The following SRSF4 variants were observed in gnomAD, a reference collection of about 807,000 sequenced individuals.
SRSF4 encodes the protein serine and arginine rich splicing factor 4.
Under a neutral mutation model 48.8 loss-of-function variants are expected in SRSF4, and 12 were observed. That is an observed-to-expected ratio of 0.25 (90% CI 0.16 to 0.40). SRSF4 has a LOEUF of 0.40. Ranked by LOEUF, SRSF4 falls within the 10% of genes least tolerant of loss-of-function variation. SRSF4 has a pLI of 1.00. For synonymous variants in SRSF4, 248 were observed against 232.5 expected, an observed-to-expected ratio of 1.07 and a Z score of -0.61; for missense variants, 466 against 667.1, an observed-to-expected ratio of 0.70 and a Z score of 3.32.
intron 3 of SRSF4, among the ~76,000 whole-genome samples, chr1:29,156,171 T>C (rs1014339850): frequency 6.6e-6 from 1 of 152,016 alleles, no homozygotes; most frequent in African/African-American, 2.4e-5. Flanking sequence ...CCTGGCAACT[T>C]TGTGAAACCT....
chr1:29,180,898 A>C (rs560734644), intron 1 of SRSF4, among the ~76,000 whole-genome samples: 64 of 152,374 alleles, frequency 4.2e-4, no homozygotes, highest in African/African-American at 1.5e-3. Context: ...CCAGACGCAG[A>C]TACTAGCCAG....
intron 1 of SRSF4, chr1:29,172,979 A>T (rs1392704312): frequency 1.3e-5 from 2 of 152,168 alleles, no homozygotes; most frequent in Non-Finnish European, 2.9e-5. Flanking sequence ...AATACATGAG[A>T]TAAATTAAGT....
At chr1:29,156,301 C>T (rs895114821) in intron 3 of SRSF4, among the ~76,000 whole-genome samples, 17 of 149,018 alleles carry the variant, frequency 1.1e-4, no homozygotes, top group African/African-American at 4.0e-4. Context: ...TTGCAGTGAG[C>T]GAGATTGTGC....
intron 1 of SRSF4, among the ~76,000 whole-genome samples, chr1:29,180,214 A>AAAT (rs1672933876): frequency 6.6e-6 from 1 of 152,204 alleles, no homozygotes; most frequent in Admixed American, 6.5e-5. Flanking sequence ...TTTGTCCACA[A>AAAT]AAGTTAGTTA....
rs1029024917 is a variant in SRSF4, at chr1:29,148,072, ATACC to A, written c.*334_*337del. On this transcript the variant is annotated 3_prime_UTR_variant, in exon 6 of 6. Transcript: ENST00000373795. ...AAGAGCAAAAATGGTTGAACTCACC[ATACC>A]TACCTATGTGGTCATTCCAGCCTTA... 2.0e-6 allele frequency: 1 copy of A among 504,300 alleles called. No individual in the cohort carries two copies. The highest frequency in any genetic ancestry group is 2.3e-5 in the Admixed American group (1 of 43,902). 31.2% of individuals were successfully genotyped at this position (504,300 alleles called of 1,614,324 possible).
At position 29,181,786 on chromosome 1, in the gene SRSF4, C is replaced by A; in HGVS notation, c.-34G>T. On this transcript the variant is annotated 5_prime_UTR_variant, in exon 1 of 6. Transcript: ENST00000373795. ...CGGCAGTGATGGCTGGCCCCGGCCC[C>A]AGCCCCCCTTAGGCGGCGGCGGGCA... 1 of 1,531,024 alleles carries A rather than the reference C, an allele frequency of 6.5e-7. No homozygotes were observed. The highest frequency in any genetic ancestry group is 8.8e-7 in the Non-Finnish European group (1 of 1,142,488). 94.8% of individuals were successfully genotyped at this position (1,531,024 alleles called of 1,614,324 possible). A position where few individuals can be genotyped will look rare whatever the true frequency, so the allele number is the denominator to read the frequency against.
At chr1:29,157,881 T>A (rs984679315) in intron 3 of SRSF4, among the ~76,000 whole-genome samples, 9 of 152,134 alleles carry the variant, frequency 5.9e-5, no homozygotes, top group Non-Finnish European at 8.8e-5. Flanking sequence ...CTGTTGTCAA[T>A]AAGTGGGGCC....
At chr1:29,171,203 T>C (rs1672740148) in intron 1 of SRSF4, 1 of 151,736 alleles carries the variant, frequency 6.6e-6, no homozygotes, top group East Asian at 1.9e-4. Flanking sequence ...TCACTAGCAG[T>C]CTCCAACTAA....
chr1:29,156,635 G>C (rs533207739), intron 3 of SRSF4, among the ~76,000 whole-genome samples: 1 of 152,152 alleles, frequency 6.6e-6, no homozygotes, highest in Non-Finnish European at 1.5e-5. Context: ...GCCACCTTGA[G>C]AGCTAGGAAA....
chr1:29,157,022 T>A (rs1214360705), intron 3 of SRSF4, among the ~76,000 whole-genome samples: 1 of 152,218 alleles, frequency 6.6e-6, no homozygotes, highest in Non-Finnish European at 1.5e-5. Context: ...TGAATCTCCT[T>A]TGTGCTTAGA....
intron 4 of SRSF4, among the ~76,000 whole-genome samples, chr1:29,151,622 G>A (rs1033717622): frequency 6.6e-6 from 1 of 152,134 alleles, no homozygotes; most frequent in Non-Finnish European, 1.5e-5. Context: ...ATTAGATCCC[G>A]GTTAAGAAAA....
intron 4 of SRSF4, among the ~76,000 whole-genome samples, chr1:29,153,320 G>GT (rs1024350989): frequency 1.3e-5 from 2 of 151,050 alleles, no homozygotes; most frequent in Non-Finnish European, 3.0e-5. Flanking sequence ...TTTTACTTTT[G>GT]TATTTTTAGT....
intron 4 of SRSF4, among the ~76,000 whole-genome samples, chr1:29,152,427 T>C (rs1672425365): frequency 1.3e-5 from 2 of 152,120 alleles, no homozygotes; most frequent in South Asian, 2.1e-4. Flanking sequence ...AAGACCTAAA[T>C]AACAAAACCT....
intron 1 of SRSF4, among the ~76,000 whole-genome samples, chr1:29,178,900 T>A (rs1672911482): frequency 6.6e-6 from 1 of 152,244 alleles, no homozygotes; most frequent in Non-Finnish European, 1.5e-5. Context: ...TCCTCAATGA[T>A]GCCAGGAGGT....
intron 2 of SRSF4, 196 bp downstream of exon 2, chr1:29,160,179 G>A (rs1269850010): frequency 8.5e-6 from 5 of 591,582 alleles, no homozygotes; most frequent in Non-Finnish European, 1.1e-5. Context: ...TTATAAACAA[G>A]AAATTGTCAT....
chr1:29,176,789 T>G (rs1176444446), intron 1 of SRSF4, among the ~76,000 whole-genome samples: 4 of 152,180 alleles, frequency 2.6e-5, no homozygotes, highest in Admixed American at 2.6e-4. Flanking sequence ...TTTCTGGTAA[T>G]AATTAGATAG....
intron 1 of SRSF4, among the ~76,000 whole-genome samples, chr1:29,179,964 A>G (rs781478460): frequency 1.3e-5 from 2 of 152,358 alleles, no homozygotes; most frequent in Non-Finnish European, 2.9e-5. Flanking sequence ...CCTGAGTAAC[A>G]TTAGAAAAGA....
intron 4 of SRSF4, among the ~76,000 whole-genome samples, chr1:29,150,886 G>T (rs1672398804): frequency 6.6e-6 from 1 of 152,076 alleles, no homozygotes; most frequent in Non-Finnish European, 1.5e-5. Context: ...CTGCCTCTCT[G>T]GGCAAGCCAC....
intron 3 of SRSF4, among the ~76,000 whole-genome samples, chr1:29,156,267 T>C (rs1672498105): frequency 6.6e-6 from 1 of 150,766 alleles, no homozygotes; most frequent in African/African-American, 2.4e-5. Flanking sequence ...GGCATGAAAA[T>C]CGCTTGAACC....
Sources: gnomAD v4.1 joint callset for allele counts (sites outside exome capture counted in the v4.1 genomes callset) on GRCh38, gnomAD v4.1.1 for gene constraint, MANE v1.5 for transcripts, NCBI Gene and HGNC (gene_info 2026-07-23, HGNC 2026-07-21) for gene names.